The following ING5 variants were observed in gnomAD, a reference collection of about 807,000 sequenced individuals.
ING5 encodes the protein inhibitor of growth protein 5.
A neutral mutation model predicts 37.4 loss-of-function variants in ING5; 17 were observed. That is an observed-to-expected ratio of 0.45 (90% CI 0.31 to 0.68). The LOEUF is 0.68. Among genes scored for constraint, ING5 ranks in the 30% least tolerant of loss-of-function variants. ING5 has a pLI of 0.05. For missense variants in ING5, 233 were observed against 311.9 expected (o/e 0.75, Z 1.91); for synonymous variants, 123 against 116.6 (o/e 1.06, Z -0.36).
chr2:241,722,473 G>A, intron 5 of ING5: 1 of 985,368 alleles, frequency 1.0e-6, no homozygotes, highest in Non-Finnish European at 1.2e-6. Context: ...CCCTGCCTGG[G>A]CCCGAAGGTG....
At chr2:241,715,317 C>T (rs1275581674) in intron 5 of ING5, among the ~76,000 whole-genome samples, 1 of 151,918 alleles carries the variant, frequency 6.6e-6, no homozygotes, top group Non-Finnish European at 1.5e-5. Context: ...ACTTCGGCCT[C>T]CCAAGTAGCT....
At chr2:241,706,653 G>T (rs1207212438) in intron 2 of ING5, among the ~76,000 whole-genome samples, 1 of 151,274 alleles carries the variant, frequency 6.6e-6, no homozygotes, top group Non-Finnish European at 1.5e-5. Flanking sequence ...AGAAAAAAAG[G>T]AAGGTAGATT....
intron 7 of ING5, 123 bp downstream of exon 7, chr2:241,723,394 T>A: frequency 1.9e-6 from 2 of 1,049,726 alleles, no homozygotes; most frequent in Non-Finnish European, 3.0e-6. Context: ...GGTAGCCACG[T>A]AGGCATGCCC....
At chr2:241,718,355 CCCTCCCTCCCTCCCTT>C (rs971643373) in intron 5 of ING5, among the ~76,000 whole-genome samples, 24 of 134,780 alleles carry the variant, frequency 1.8e-4, no homozygotes, top group East Asian at 1.0e-3. Context: ...CTTCCTCCTT[CCCTCCCTCCCTCCCTT>C]CCTCCCTCCC....
chr2:241,715,446 T>C (rs2070236661), intron 5 of ING5, among the ~76,000 whole-genome samples: 2 of 151,422 alleles, frequency 1.3e-5, no homozygotes, highest in South Asian at 4.2e-4. Context: ...TCCACCCACG[T>C]TGGCCTCCCA....
In ING5 at chr2:241,725,026, AAGT is replaced by A; in HGVS notation, c.721_723del (p.Ter241delextTer11). The A allele has an allele frequency of 6.2e-7, 1 of 1,614,056 alleles. No homozygotes were observed. The highest frequency in any genetic ancestry group is 1.3e-5 in the African/African-American group (1 of 75,042). On this transcript the variant is annotated stop_lost and inframe_deletion, in exon 8 of 8. Coordinates refer to ENST00000313552, the MANE Select transcript of ING5 (RefSeq NM_032329.6). ...GTGTGTCCAGGAAAAGAGGAAGAAG[AAGT>A]AGGAGGAGCTGTGTGCCCGGATCCG... is the stretch of plus-strand genomic sequence containing the variant.
chr2:241,708,618 G>C (rs918648059), intron 2 of ING5, among the ~76,000 whole-genome samples: 1 of 152,052 alleles, frequency 6.6e-6, no homozygotes, highest in Non-Finnish European at 1.5e-5. Flanking sequence ...TTTTTGCTCC[G>C]TGTCACCTTC....
chr2:241,701,428 G>A (rs1022198674), upstream of ING5, among the ~76,000 whole-genome samples: 4 of 152,248 alleles, frequency 2.6e-5, no homozygotes, highest in African/African-American at 7.2e-5. Context: ...CTGGTGCTGG[G>A]CGGGGCGGCC....
rs1027613953 is a variant in ING5 at position 241,711,414 on chromosome 2, C to T, written c.314C>T (p.Ala105Val). 7 of 1,585,214 alleles carry T rather than the reference C, an allele frequency of 4.4e-6. No homozygotes were observed. The highest frequency in any genetic ancestry group is 2.3e-5 in the South Asian group (2 of 87,008). Residue 105 changes from alanine to valine, a missense_variant, in exon 4 of 8, where the codon GCG becomes GTG. Ala to Val is a moderately conservative substitution (Grantham distance 64). Transcript: ENST00000313552. ...ATTCGAAGGCTTGATGCAGACCTGG[C>T]GCGCTTTGAAGCAGATCTGAAGGAC... ...KHIRRLDADLARFEADLKDKM... is the reference protein window; with the variant it reads ...KHIRRLDADLVRFEADLKDKM...
At position 241,711,484 on chromosome 2, in the gene ING5, A is replaced by C; in HGVS notation, c.384A>C (p.Leu128Phe). 6.3e-7 allele frequency: 1 copy of C among 1,593,530 alleles called. No homozygotes were observed. Among genetic ancestry groups the C allele is most frequent in the Non-Finnish European group, 8.5e-7 (1 of 1,171,498 alleles). Residue 128 changes from leucine (L) to phenylalanine (F), a missense_variant, in exon 4 of 8, where the codon TTA becomes TTC. Transcript: ENST00000313552. ...SDFESSGGRG[L>F]KKGRGQKEKR... is the part of the protein sequence containing the mutation. The stretch of plus-strand genomic sequence containing the variant: ...TTGAAAGCTCCGGAGGGCGAGGGTT[A>C]AAAAGCAAGTCTGTTAATTTTTTTT...
At chr2:241,714,817 A>G (rs1480884855) in intron 5 of ING5, among the ~76,000 whole-genome samples, 4 of 152,090 alleles carry the variant, frequency 2.6e-5, no homozygotes, top group Non-Finnish European at 5.9e-5. Flanking sequence ...GCTGGTCTCA[A>G]ACATCTGGGC....
chr2:241,719,204 T>C (rs1410491769), intron 5 of ING5, among the ~76,000 whole-genome samples: 1 of 152,234 alleles, frequency 6.6e-6, no homozygotes, highest in African/African-American at 2.4e-5. Context: ...AACTCCGAGG[T>C]TGCAGGGATT....
chr2:241,713,666 C>A (rs973328302), intron 5 of ING5, among the ~76,000 whole-genome samples: 2 of 151,578 alleles, frequency 1.3e-5, no homozygotes, highest in African/African-American at 4.8e-5. Flanking sequence ...CCACTGTGCC[C>A]AGCCCCAATT....
At position 241,727,215 on chromosome 2, in the gene ING5, G is replaced by GT. The variant is rs1575144927; in HGVS notation, c.*2185dup. On this transcript the variant is annotated 3_prime_UTR_variant, in exon 8 of 8. Transcript: ENST00000313552. ...GCTTCCCAGAGTGCTGGGATTACAG[G>GT]TGTCAGCCACTGCGCTCAGCTGGGA... The GT allele has an allele frequency of 6.6e-6, 1 of 152,392 alleles. No homozygotes were observed. Among genetic ancestry groups the GT allele is most frequent in the Non-Finnish European group, 1.5e-5 (1 of 68,086 alleles). The allele number at this position is 152,392 out of a possible 1,614,324, so 9.4% of individuals were successfully genotyped here.
At chr2:241,720,902 A>G (rs926189394) in intron 5 of ING5, 2 of 985,486 alleles carry the variant, frequency 2.0e-6, no homozygotes, top group African/African-American at 3.5e-5. Context: ...CTGAGAGGCC[A>G]GTGAGGCCTG....
chr2:241,704,544 G>A, intron 1 of ING5, 109 bp from the exon 2 acceptor site: 1 of 883,146 alleles, frequency 1.1e-6, no homozygotes, highest in Non-Finnish European at 1.9e-6. Context: ...CTCCAGCCTG[G>A]GCAACAAGAG....
At chr2:241,691,438 CA>C (rs1358394317) in intron 2 of ING5, among the ~76,000 whole-genome samples, 96 of 137,116 alleles carry the variant, frequency 7.0e-4, no homozygotes, top group African/African-American at 1.9e-3. Flanking sequence ...GACACTGTCT[CA>C]AAAAAAAAAA....
chr2:241,689,160 T>G (rs2069507892), intron 1 of ING5, among the ~76,000 whole-genome samples: 1 of 150,846 alleles, frequency 6.6e-6, no homozygotes, highest in Non-Finnish European at 1.5e-5. Context: ...TGGCCCAGAG[T>G]GGAGTGCAAT....
intron 5 of ING5, among the ~76,000 whole-genome samples, chr2:241,712,955 C>A (rs1005942443): frequency 6.7e-6 from 1 of 149,648 alleles, no homozygotes; most frequent in Non-Finnish European, 1.5e-5. Flanking sequence ...GAGCCACGAT[C>A]GCACCACTAC....
Sources: gnomAD v4.1 joint callset for allele counts (sites outside exome capture counted in the v4.1 genomes callset) on GRCh38, gnomAD v4.1.1 for gene constraint, MANE v1.5 for transcripts, NCBI Gene and HGNC (gene_info 2026-07-23, HGNC 2026-07-21) for gene names.